GRIP1: variants seen among roughly 807,000 people sequenced by gnomAD.
The protein encoded by GRIP1 is glutamate receptor-interacting protein 1.
Under a neutral mutation model 129.9 loss-of-function variants are expected in GRIP1, and 45 were observed. That is an observed-to-expected ratio of 0.35 (90% CI 0.27 to 0.44). The LOEUF is 0.44. Among genes scored for constraint, GRIP1 ranks in the 20% least tolerant of loss-of-function variants. The pLI, the probability that GRIP1 is intolerant of heterozygous loss-of-function variation, is 1.00. For missense variants in GRIP1, 1,196 were observed against 1,396.8 expected, an observed-to-expected ratio of 0.86 and a Z score of 2.29; for synonymous variants, 530 against 520.8, an observed-to-expected ratio of 1.02 and a Z score of -0.24.
At chr12:66,822,974 T>C in intron 1 of GRIP1, among the ~76,000 whole-genome samples, 1 of 152,130 alleles carries the variant, frequency 6.6e-6, no homozygotes, top group East Asian at 1.9e-4. Context: ...TCCCTGAATC[T>C]AAAATAAAAG....
At chr12:66,419,573 T>TA (rs1399026560) in intron 15 of GRIP1, among the ~76,000 whole-genome samples, 3 of 152,188 alleles carry the variant, frequency 2.0e-5, no homozygotes, top group Non-Finnish European at 4.4e-5. Context: ...TAAGTATATA[T>TA]ACCAACTATA....
At chr12:66,681,371 C>A (rs941357714), upstream of GRIP1, among the ~76,000 whole-genome samples, 1 of 152,158 alleles carries the variant, frequency 6.6e-6, no homozygotes, top group South Asian at 2.1e-4. Flanking sequence ...CTTAGCCTCC[C>A]ATCCTGAACT....
At chr12:66,549,229 G>A (rs1485614442) in intron 2 of GRIP1, among the ~76,000 whole-genome samples, 1 of 152,082 alleles carries the variant, frequency 6.6e-6, no homozygotes, top group African/African-American at 2.4e-5. Context: ...CCCAAAACAG[G>A]GAATTATAAT....
chr12:66,525,601 T>C lies in GRIP1; in HGVS notation c.502+4230A>G, dbSNP rs897892178. Among the ~76,000 whole-genome samples the C allele has an allele frequency of 1.3e-4, 19 of 151,510 alleles. 1 individual carries two copies. The highest frequency in any genetic ancestry group is 4.4e-4 in the African/African-American group (18 of 41,240). On this transcript the variant is annotated intron_variant, in intron 5 of 24. Coordinates refer to ENST00000359742, the MANE Select transcript of GRIP1 (RefSeq NM_001366722.1). The stretch of plus-strand genomic sequence containing the variant: ...ACTGAATGGGCAAAAACTGGAAGCA[T>C]TCCCTCTGAAAACTGGCACAAGACA...
At chr12:66,923,048 G>A (rs761340986) in intron 1 of GRIP1, among the ~76,000 whole-genome samples, 1 of 152,084 alleles carries the variant, frequency 6.6e-6, no homozygotes, top group Non-Finnish European at 1.5e-5. Context: ...CAAGCCCTTC[G>A]CTACCTACCT....
At chr12:66,353,241 A>G (rs1216113706) in intron 24 of GRIP1, among the ~76,000 whole-genome samples, 176 bp downstream of exon 24, 1 of 152,176 alleles carries the variant, frequency 6.6e-6, no homozygotes, top group Non-Finnish European at 1.5e-5. Context: ...TCTGGGTTAG[A>G]ATTTACTAGA....
At chr12:66,517,755 A>T (rs1317857896) in intron 6 of GRIP1, 146 bp downstream of exon 6, 8 of 665,990 alleles carry the variant, frequency 1.2e-5, no homozygotes, top group Non-Finnish European at 1.9e-5. Flanking sequence ...CTGATTCCAT[A>T]GTTCAGACTC....
intron 3 of GRIP1, 88 bp from the exon 4 acceptor site, chr12:66,539,311 TGCAAGTGTAGAA>T: frequency 1.3e-6 from 2 of 1,558,622 alleles, no homozygotes; most frequent in Middle Eastern, 1.7e-4. Flanking sequence ...ATGGTAAGCA[TGCAAGTGTAGAA>T]GCAAGCCTAG....
chr12:66,878,700 C>T (rs2040423250), intron 1 of GRIP1, among the ~76,000 whole-genome samples: 1 of 151,974 alleles, frequency 6.6e-6, no homozygotes, highest in Non-Finnish European at 1.5e-5. Flanking sequence ...GATAAAAATC[C>T]CTGACCTCAT....
At chr12:66,429,089 C>T (rs949735694) in intron 14 of GRIP1, among the ~76,000 whole-genome samples, 1 of 152,130 alleles carries the variant, frequency 6.6e-6, no homozygotes, top group African/African-American at 2.4e-5. Flanking sequence ...AATGTGTCAT[C>T]GGAACTTAAG....
rs571542902 is a variant in GRIP1, at chr12:66,972,549, C to T, written c.58+96501G>A. On this transcript the variant is annotated intron_variant, in intron 1 of 1. Transcript: ENST00000643019. ...TGAATTTTTTATTTTATTTAATTTT[C>T]ATTTAAATAGTCACATGTGACCAGT... is the stretch of plus-strand genomic sequence containing the variant. Among the ~76,000 whole-genome samples, 3 of 152,256 alleles carry T rather than the reference C, an allele frequency of 2.0e-5. No individual in the cohort carries two copies. In the East Asian group the frequency reaches 5.8e-4, roughly 29 times the overall value.
chr12:66,938,829 T>G (rs1411666013), intron 1 of GRIP1, among the ~76,000 whole-genome samples: 2 of 151,788 alleles, frequency 1.3e-5, no homozygotes, highest in African/African-American at 4.8e-5. Flanking sequence ...TGGTGGTGCA[T>G]GCCTGTAGTC....
chr12:66,709,960 T>C (rs2035660646), intron 1 of GRIP1, among the ~76,000 whole-genome samples: 1 of 152,010 alleles, frequency 6.6e-6, no homozygotes, highest in Admixed American at 6.6e-5. Context: ...AGACTGGAAT[T>C]ATATGTTATT....
chr12:66,602,983 G>A (rs1368477967), intron 1 of GRIP1, among the ~76,000 whole-genome samples: 5 of 147,112 alleles, frequency 3.4e-5, no homozygotes, highest in Non-Finnish European at 7.4e-5. Context: ...CTCAGCCTCT[G>A]AGCAGCTGGG....
intron 1 of GRIP1, among the ~76,000 whole-genome samples, chr12:66,739,243 T>G (rs1263071979): frequency 6.6e-6 from 1 of 152,184 alleles, no homozygotes; most frequent in Non-Finnish European, 1.5e-5. Flanking sequence ...TGATGATGAA[T>G]GTAAACCTCA....
intron 1 of GRIP1, among the ~76,000 whole-genome samples, chr12:66,703,707 C>A: frequency 6.6e-6 from 1 of 152,028 alleles, no homozygotes; most frequent in East Asian, 1.9e-4. Context: ...AAGAGATAAG[C>A]AAGGAGAAGC....
chr12:66,776,560 C>T (rs1316874756), intron 1 of GRIP1, among the ~76,000 whole-genome samples: 1 of 152,158 alleles, frequency 6.6e-6, no homozygotes, highest in Non-Finnish European at 1.5e-5. Flanking sequence ...AAGAGGTTAG[C>T]CCTGCTCTCA....
intron 1 of GRIP1, among the ~76,000 whole-genome samples, chr12:67,024,086 G>A (rs2042906115): frequency 1.3e-5 from 2 of 152,028 alleles, no homozygotes; most frequent in Non-Finnish European, 2.9e-5. Flanking sequence ...GCCCTTTTCA[G>A]ACTGTTCACA....
intron 1 of GRIP1, among the ~76,000 whole-genome samples, chr12:66,735,190 T>C (rs1337279978): frequency 6.6e-6 from 1 of 152,208 alleles, no homozygotes; most frequent in Non-Finnish European, 1.5e-5. Context: ...GTGATTGTTC[T>C]GGATTGTGTG....
Sources: allele counts gnomAD v4.1 joint callset (sites outside exome capture counted in the v4.1 genomes callset), GRCh38; gene constraint gnomAD v4.1.1; transcripts MANE v1.5; gene names NCBI Gene and HGNC (gene_info 2026-07-23, HGNC 2026-07-21).